The following EIF2A variants were observed in gnomAD, a reference collection of about 807,000 sequenced individuals.
The protein encoded by EIF2A is eukaryotic translation initiation factor 2A.
In EIF2A, 62 loss-of-function variants were observed where a neutral mutation model predicts 75.2. The observed-to-expected ratio is 0.82, with a 90% confidence interval of 0.67 to 1.02. The LOEUF is 1.02. Among genes scored for constraint, EIF2A ranks in the 50% least tolerant of loss-of-function variants. EIF2A has a pLI of 0.00. For missense variants in EIF2A, 611 were observed against 677.7 expected (o/e 0.90, Z 1.09); for synonymous variants, 207 against 239.0 (o/e 0.87, Z 1.23).
intron 1 of EIF2A, chr3:150,547,082 TAGA>T (rs796212200): frequency 8.6e-5 from 48 of 560,094 alleles, no homozygotes; most frequent in African/African-American, 6.2e-4. Context: ...TCTACAGAAA[TAGA>T]AGAAGGGGGA....
chr3:150,567,623 T>C (rs937734915), intron 6 of EIF2A, 70 bp from the exon 7 acceptor site: 2 of 1,034,694 alleles, frequency 1.9e-6, no homozygotes, highest in South Asian at 3.1e-5. Context: ...TCTTTGATAA[T>C]GTATTCAGAG....
At chr3:150,552,721 A>G (rs1289438239) in intron 2 of EIF2A, 1 of 206,936 alleles carries the variant, frequency 4.8e-6, no homozygotes, top group East Asian at 1.1e-4. Flanking sequence ...ATCTTAAGGA[A>G]TGAGAAAAAC....
rs202247562 is a variant in EIF2A at position 150,572,275 on chromosome 3, T to G, written c.1129T>G (p.Cys377Gly). The change falls in exon 10 of 14, where the codon TGT becomes GGT. Residue 377 changes from cysteine (C) to glycine (G), a missense_variant. Transcript: ENST00000460851. ...PDGEHILTATCAPRLRVNNGY... is the reference protein window; with the variant it reads ...PDGEHILTATGAPRLRVNNGY... ...TGGTGAGCATATTTTAACAGCTACA[T>G]GTGCTCCCAGGTTACGGGTTAATAA... 6.2e-7 allele frequency: 1 copy of G among 1,613,990 alleles called. No homozygotes were observed. The highest frequency in any genetic ancestry group is 8.5e-7 in the Non-Finnish European group (1 of 1,179,880).
At chr3:150,581,878 C>A in intron 12 of EIF2A, 132 bp downstream of exon 12, 1 of 1,037,238 alleles carries the variant, frequency 9.6e-7, no homozygotes, top group Non-Finnish European at 1.4e-6. Context: ...TGTTTTCTCA[C>A]TATGAAGCAC....
intron 12 of EIF2A, chr3:150,582,990 GAAT>G (rs1430859100): frequency 7.4e-5 from 39 of 525,550 alleles, no homozygotes; most frequent in Non-Finnish European, 1.2e-4. Flanking sequence ...AAAAGCCTGA[GAAT>G]AATATTTTGC....
chr3:150,568,072 C>T (rs748114045), intron 8 of EIF2A, 26 bp downstream of exon 8: 1 of 1,602,032 alleles, frequency 6.2e-7, no homozygotes, highest in Non-Finnish European at 8.5e-7. Flanking sequence ...TTTATCCCTC[C>T]CTTTGTTTAT....
chr3:150,552,560 A>T, intron 2 of EIF2A, 135 bp downstream of exon 2: 1 of 666,694 alleles, frequency 1.5e-6, no homozygotes, highest in Non-Finnish European at 2.4e-6. Flanking sequence ...TTTACCGAAG[A>T]TGAAAAGAAT....
chr3:150,584,684 A>G lies in EIF2A; in HGVS notation c.*773A>G, dbSNP rs1192724764. Among the ~76,000 whole-genome samples the G allele has an allele frequency of 2.0e-5, 3 of 152,200 alleles. No individual in the cohort carries two copies. Among genetic ancestry groups the G allele is most frequent in the Non-Finnish European group, 4.4e-5 (3 of 68,036 alleles). On this transcript the variant is annotated 3_prime_UTR_variant, in exon 14 of 14. Coordinates refer to ENST00000460851, the MANE Select transcript of EIF2A (RefSeq NM_032025.5). ...GTTACTGTTATATACATGTATTTTT[A>G]TCAGAGATGGGTTATGTACTTTTCC...
chr3:150,552,370 G>A lies in EIF2A; in HGVS notation c.43G>A (p.Gly15Arg), dbSNP rs199805758. ...TACTTCTTTAGTCCGAGGATCAGAA[G>A]GACTGTACATGGTGAATGGACCACC... ...TPLLTVRGSEGLYMVNGPPHF... is the reference protein window; with the variant it reads ...TPLLTVRGSERLYMVNGPPHF... The change falls in exon 2 of 14, where the codon GGA (glycine) becomes AGA (arginine). Residue 15 changes from glycine (G) to arginine (R), a missense_variant. Coordinates refer to ENST00000460851, the MANE Select transcript of EIF2A (RefSeq NM_032025.5). 3 of 1,552,272 alleles carry A rather than the reference G, an allele frequency of 1.9e-6. No individual in the cohort carries two copies. Among genetic ancestry groups the A allele is most frequent in the African/African-American group, 2.7e-5 (2 of 73,202 alleles).
At chr3:150,559,958 A>C (rs1400860430) in intron 3 of EIF2A, among the ~76,000 whole-genome samples, 2 of 152,090 alleles carry the variant, frequency 1.3e-5, no homozygotes, top group Non-Finnish European at 2.9e-5. Context: ...TTTTTAATCC[A>C]TATTTTAGTT....
chr3:150,550,264 C>T (rs1723249037), intron 1 of EIF2A, among the ~76,000 whole-genome samples: 1 of 152,156 alleles, frequency 6.6e-6, no homozygotes, highest in African/African-American at 2.4e-5. Flanking sequence ...CTATATTAAG[C>T]TAACTACGCA....
At chr3:150,556,287 G>A (rs1723567197) in intron 2 of EIF2A, among the ~76,000 whole-genome samples, 1 of 152,162 alleles carries the variant, frequency 6.6e-6, no homozygotes. Flanking sequence ...TTATTATACA[G>A]TAGGAACTGT....
At chr3:150,572,604 C>T (rs746820923) in intron 10 of EIF2A, 75 bp downstream of exon 10, 3 of 1,423,280 alleles carry the variant, frequency 2.1e-6, no homozygotes, top group Non-Finnish European at 2.8e-6. Flanking sequence ...TCCGTAATCC[C>T]AGCACTTCGG....
intron 8 of EIF2A, 40 bp from the exon 9 acceptor site, chr3:150,568,136 A>G (rs1279454380): frequency 6.2e-7 from 1 of 1,603,496 alleles, no homozygotes; most frequent in South Asian, 1.1e-5. Flanking sequence ...ATCAATGCCC[A>G]TTTGTGTTTT....
At position 150,567,774 on chromosome 3, in the gene EIF2A, C is replaced by T; in HGVS notation, c.549+8C>T. Reference sequence around the variant, plus strand: ...GGACCCCAACCATACAAGGTAATTGCTGTTTTTGTTTATGTGTAATATTAT... The same window carrying T: ...GGACCCCAACCATACAAGGTAATTGTTGTTTTTGTTTATGTGTAATATTAT... On this transcript the variant is annotated splice_region_variant and intron_variant, in intron 7 of 13. Transcript: ENST00000460851. 6.4e-7 allele frequency: 1 copy of T among 1,567,142 alleles called. No individual in the cohort carries two copies. The highest frequency in any genetic ancestry group is 8.7e-7 in the Non-Finnish European group (1 of 1,155,992).
At chr3:150,552,506 C>A in intron 2 of EIF2A, 81 bp downstream of exon 2, 4 of 1,206,474 alleles carry the variant, frequency 3.3e-6, no homozygotes, top group South Asian at 1.4e-5. Flanking sequence ...GTATTTTGAA[C>A]AAGAAAGGAA....
intron 2 of EIF2A, among the ~76,000 whole-genome samples, chr3:150,556,893 G>A (rs1046669010): frequency 6.6e-6 from 1 of 152,086 alleles, no homozygotes; most frequent in Non-Finnish European, 1.5e-5. Context: ...AGCTTATCTC[G>A]TTTCCTTTCT....
intron 6 of EIF2A, chr3:150,565,068 C>T: frequency 5.1e-6 from 2 of 395,128 alleles, no homozygotes; most frequent in Non-Finnish European, 1.0e-5. Context: ...TTATTTTATT[C>T]TTCATAATTT....
rs1455680813 is a variant in EIF2A, at chr3:150,581,632, C to T, written c.1512C>T (p.Asp504=). The T allele has an allele frequency of 1.3e-6, 2 of 1,551,002 alleles. No individual in the cohort carries two copies. Among genetic ancestry groups the T allele is most frequent in the Admixed American group, 3.9e-5 (2 of 50,878 alleles). ...KKAAKQEARS[D]KSPDLAPTPA... is the part of the protein sequence containing the mutation. ...ATTTCCTGCAGGAAGCAAGAAGTGACAAGAGTCCAGATTTGGCACCTACTC... is the reference window on the plus strand; with the variant it reads ...ATTTCCTGCAGGAAGCAAGAAGTGATAAGAGTCCAGATTTGGCACCTACTC... The change falls in exon 12 of 14, where the codon GAC becomes GAT. Residue 504 remains aspartate, a synonymous_variant. Coordinates refer to ENST00000460851, the MANE Select transcript of EIF2A (RefSeq NM_032025.5).
Sources: gnomAD v4.1 joint callset for allele counts (sites outside exome capture counted in the v4.1 genomes callset) on GRCh38, gnomAD v4.1.1 for gene constraint, MANE v1.5 for transcripts, NCBI Gene and HGNC (gene_info 2026-07-23, HGNC 2026-07-21) for gene names.